Variants in ST8SIA2 observed in about 807,000 individuals in gnomAD.
The protein encoded by ST8SIA2 is ST8 alpha-N-acetyl-neuraminide alpha-2,8-sialyltransferase 2, also known as alpha-2,8-sialyltransferase 8B.
Under a neutral mutation model 37.6 loss-of-function variants are expected in ST8SIA2, and 22 were observed. The observed-to-expected ratio is 0.58, with a 90% CI of 0.42 to 0.83. The LOEUF (loss-of-function observed/expected upper bound fraction) is 0.83, where lower values mean the gene tolerates loss of function less well. ST8SIA2 is among the 40% of genes least tolerant of loss of function. The pLI is 0.00. For synonymous variants in ST8SIA2, 205 were observed against 201.2 expected (o/e 1.02, Z -0.16); for missense variants, 382 against 484.7 (o/e 0.79, Z 1.99).
chr15:92,436,239 C>A (rs2049757571), intron 3 of ST8SIA2, among the ~76,000 whole-genome samples: 1 of 152,114 alleles, frequency 6.6e-6, no homozygotes, highest in Non-Finnish European at 1.5e-5. Flanking sequence ...GAGGGGGTCA[C>A]CATTCTCCCC....
At chr15:92,451,210 G>T (rs2049879650) in intron 5 of ST8SIA2, among the ~76,000 whole-genome samples, 1 of 152,192 alleles carries the variant, frequency 6.6e-6, no homozygotes, top group Non-Finnish European at 1.5e-5. Context: ...CTCTAATGTG[G>T]TGCACCAGGT....
rs145967191 is a variant in ST8SIA2, at chr15:92,438,271, C to T, written c.291-82C>T. Reference sequence around the variant, plus strand: ...GCTGGGCTGCAGCCACCGTGCAGGGCGACCCTGGATAGGAAAAGCTGGGCT... The same window carrying T: ...GCTGGGCTGCAGCCACCGTGCAGGGTGACCCTGGATAGGAAAAGCTGGGCT... On this transcript the variant is annotated intron_variant, in intron 3 of 5. Transcript: ENST00000268164. 495 of 1,604,158 alleles carry T rather than the reference C, an allele frequency of 3.1e-4. 3 individuals are homozygous for T. In the African/African-American group the frequency reaches 5.5e-3, roughly 18 times the overall value.
intron 5 of ST8SIA2, among the ~76,000 whole-genome samples, chr15:92,455,545 G>T (rs528954586): frequency 6.6e-6 from 1 of 152,178 alleles, no homozygotes; most frequent in Non-Finnish European, 1.5e-5. Flanking sequence ...CCTACGGAAC[G>T]TGGTTTAAGT....
rs1197741108 is a variant in ST8SIA2 at position 92,468,722 on chromosome 15, T to C, written c.*4337T>C. The C allele has an allele frequency of 6.5e-6, 1 of 152,672 alleles. No homozygotes were observed. The highest frequency in any genetic ancestry group is 1.5e-5 in the Non-Finnish European group (1 of 68,048). 9.5% of individuals were successfully genotyped at this position (152,672 alleles called of 1,614,324 possible). On this transcript the variant is annotated 3_prime_UTR_variant, in exon 6 of 6. Transcript: ENST00000268164. ...CTCAATAAATGTTTGTTGGATTAAA[T>C]CCTTAATACCTGTAGAGGGCTTTAT... is the stretch of plus-strand genomic sequence containing the variant.
chr15:92,438,473 G>A lies in ST8SIA2; in HGVS notation c.411G>A (p.Gln137=), dbSNP rs779258198. The A allele has an allele frequency of 6.2e-7, 1 of 1,614,208 alleles. No homozygotes were observed. Among genetic ancestry groups the A allele is most frequent in the South Asian group, 1.1e-5 (1 of 91,080 alleles). Reference sequence around the variant, plus strand: ...GAGACAGCACCATGAATGTGTCCCAGAACCTCTACGAGCTCCTCCCCAGGA... The same window carrying A: ...GAGACAGCACCATGAATGTGTCCCAAAACCTCTACGAGCTCCTCCCCAGGA... ...FDRDSTMNVS[Q]NLYELLPRTS... The change falls in exon 4 of 6, where the codon CAG becomes CAA. Residue 137 remains glutamine (Q), a synonymous_variant. Coordinates refer to ENST00000268164, the MANE Select transcript of ST8SIA2 (RefSeq NM_006011.4).
intron 5 of ST8SIA2, among the ~76,000 whole-genome samples, chr15:92,447,754 T>G (rs2049852461): frequency 6.6e-6 from 1 of 152,178 alleles, no homozygotes; most frequent in African/African-American, 2.4e-5. Context: ...GCCACATGTG[T>G]GTCTGATGGA....
intron 4 of ST8SIA2, 85 bp from the exon 5 acceptor site, chr15:92,444,551 G>A (rs1194244893): frequency 3.3e-5 from 51 of 1,558,120 alleles, no homozygotes; most frequent in Non-Finnish European, 4.3e-5. Context: ...AAAGAAGCAA[G>A]GAGAGGCAAA....
At chr15:92,456,925 A>G (rs1392043409) in intron 5 of ST8SIA2, among the ~76,000 whole-genome samples, 1 of 152,236 alleles carries the variant, frequency 6.6e-6, no homozygotes, top group Non-Finnish European at 1.5e-5. Flanking sequence ...CAGCATCCCC[A>G]TGCCTTGATC....
intron 1 of ST8SIA2, among the ~76,000 whole-genome samples, chr15:92,412,278 A>T (rs1343885808): frequency 6.6e-6 from 1 of 150,928 alleles, no homozygotes; most frequent in Non-Finnish European, 1.5e-5. Context: ...AGAGGAGGGA[A>T]GGAAGGGGGG....
intron 2 of ST8SIA2, among the ~76,000 whole-genome samples, chr15:92,430,618 T>C (rs183308187): frequency 2.4e-4 from 36 of 152,336 alleles, no homozygotes; most frequent in African/African-American, 7.9e-4. Flanking sequence ...TTCTACTTCA[T>C]GTAATGGTGC....
chr15:92,396,491 T>TTTTTTC (rs991500022), intron 1 of ST8SIA2, among the ~76,000 whole-genome samples: 2 of 151,876 alleles, frequency 1.3e-5, no homozygotes, highest in Non-Finnish European at 2.9e-5. Context: ...TGTCTTTTCT[T>TTTTTTC]TTTTTCTTTT....
intron 5 of ST8SIA2, among the ~76,000 whole-genome samples, chr15:92,457,937 G>A (rs1222557955): frequency 6.6e-6 from 1 of 152,192 alleles, no homozygotes; most frequent in East Asian, 1.9e-4. Context: ...AGATCTGAGA[G>A]GTTGGGCATT....
intron 1 of ST8SIA2, chr15:92,421,128 G>A (rs2049630654): frequency 6.6e-6 from 1 of 152,156 alleles, no homozygotes; most frequent in African/African-American, 2.4e-5. Context: ...TGTCACAATG[G>A]GTCCTGGCTG....
chr15:92,425,130 A>G, intron 1 of ST8SIA2, among the ~76,000 whole-genome samples: 1 of 152,216 alleles, frequency 6.6e-6, no homozygotes, highest in East Asian at 1.9e-4. Flanking sequence ...ATCATCTTCT[A>G]TCAATCAACC....
intron 1 of ST8SIA2, among the ~76,000 whole-genome samples, chr15:92,425,338 A>G (rs1049703325): frequency 6.6e-6 from 1 of 152,172 alleles, no homozygotes; most frequent in Non-Finnish European, 1.5e-5. Context: ...AGTGTCTTGT[A>G]CAAGTGTAAA....
intron 5 of ST8SIA2, among the ~76,000 whole-genome samples, chr15:92,455,631 A>G (rs1304195569): frequency 6.6e-6 from 1 of 152,228 alleles, no homozygotes; most frequent in Non-Finnish European, 1.5e-5. Flanking sequence ...GCTGACTGGC[A>G]GTCCACTGTG....
At position 92,411,329 on chromosome 15, in the gene ST8SIA2, C is replaced by T. The variant is rs1174056826; in HGVS notation, c.98+17167C>T. The stretch of plus-strand genomic sequence containing the variant: ...TCAGTTGCTTGGAGGGGGCAGGTGC[C>T]GGGAAGACCACCCATGGGAGTAGCA... On this transcript the variant is annotated intron_variant, in intron 1 of 5. Transcript: ENST00000268164. Among the ~76,000 whole-genome samples, 25 of 151,838 alleles carry T rather than the reference C, an allele frequency of 1.6e-4. 1 individual carries two copies. Among genetic ancestry groups the T allele is most frequent in the Admixed American group, 1.5e-3 (23 of 15,234 alleles).
At chr15:92,395,353 CTG>C (rs1461577197) in intron 1 of ST8SIA2, among the ~76,000 whole-genome samples, 1 of 152,238 alleles carries the variant, frequency 6.6e-6, no homozygotes, top group African/African-American at 2.4e-5. Context: ...GTCCGCCACA[CTG>C]TCAGTCCCTC....
At chr15:92,436,401 C>T (rs959954893) in intron 3 of ST8SIA2, among the ~76,000 whole-genome samples, 2 of 152,154 alleles carry the variant, frequency 1.3e-5, no homozygotes, top group African/African-American at 4.8e-5. Context: ...AACACAGTCC[C>T]TTCAGCAGCA....
Sources: gnomAD v4.1 joint callset for allele counts (sites outside exome capture counted in the v4.1 genomes callset) on GRCh38, gnomAD v4.1.1 for gene constraint, MANE v1.5 for transcripts, NCBI Gene and HGNC (gene_info 2026-07-23, HGNC 2026-07-21) for gene names.